AGBL1: variants seen among roughly 807,000 people sequenced by gnomAD.
AGBL1 encodes cytosolic carboxypeptidase 4.
A neutral mutation model predicts 118.9 loss-of-function variants in AGBL1; 130 were observed. The observed-to-expected ratio is 1.09, with a 90% CI of 0.95 to 1.26. The LOEUF is 1.26. AGBL1 is among the 50% of genes most tolerant of loss of function. The pLI is 0.00. For missense variants in AGBL1, 1,584 were observed against 1,298.1 expected (o/e 1.22, Z -3.38); for synonymous variants, 555 against 478.9 (o/e 1.16, Z -2.08).
chr15:86,960,375 C>G (rs2080979708), intron 23 of AGBL1, among the ~76,000 whole-genome samples: 1 of 151,946 alleles, frequency 6.6e-6, no homozygotes, highest in Non-Finnish European at 1.5e-5. Context: ...TATAAATTAT[C>G]TGGTTGAAAT....
chr15:86,127,709 T>C (rs1340719832), intron 1 of AGBL1, among the ~76,000 whole-genome samples: 1 of 152,254 alleles, frequency 6.6e-6, no homozygotes, highest in Admixed American at 6.5e-5. Context: ...CTTGCAGTTA[T>C]GTGTGAACAT....
At chr15:86,306,127 A>C (rs1055453517) in intron 17 of AGBL1, among the ~76,000 whole-genome samples, 1 of 152,292 alleles carries the variant, frequency 6.6e-6, no homozygotes, top group Middle Eastern at 3.4e-3. Flanking sequence ...ACAATGGGAC[A>C]TCCATCCCCT....
intron 21 of AGBL1, among the ~76,000 whole-genome samples, chr15:86,587,404 C>G (rs1349187643): frequency 6.6e-6 from 1 of 152,116 alleles, no homozygotes; most frequent in African/African-American, 2.4e-5. Context: ...CCTGTGGCAG[C>G]ACCGTTTCAG....
At chr15:86,981,564 C>T (rs1295902809) in intron 23 of AGBL1, among the ~76,000 whole-genome samples, 1 of 152,164 alleles carries the variant, frequency 6.6e-6, no homozygotes, top group African/African-American at 2.4e-5. Flanking sequence ...TGTAAGTGCT[C>T]TTTACATAGT....
intron 21 of AGBL1, among the ~76,000 whole-genome samples, chr15:86,589,467 C>T (rs1315057375): frequency 1.3e-5 from 2 of 152,086 alleles, no homozygotes; most frequent in African/African-American, 4.8e-5. Flanking sequence ...GCAAGGGTTG[C>T]ACAATAAGAT....
chr15:86,385,963 TC>T (rs1376532356), intron 17 of AGBL1, among the ~76,000 whole-genome samples: 1 of 9,000 alleles, frequency 1.1e-4, no homozygotes, highest in Non-Finnish European at 1.8e-4. Context: ...CCCTCCCCCA[TC>T]CCCCCTCCTC....
intron 22 of AGBL1, among the ~76,000 whole-genome samples, chr15:86,780,657 C>CTTTTTTTTTTTT (rs71144066): frequency 7.0e-6 from 1 of 143,004 alleles, no homozygotes. Flanking sequence ...TCTTTAACTT[C>CTTTTTTTTTTTT]TTTTTTTTTT....
chr15:86,337,358 G>A (rs1392912677), intron 17 of AGBL1, among the ~76,000 whole-genome samples: 2 of 152,032 alleles, frequency 1.3e-5, no homozygotes, highest in Non-Finnish European at 2.9e-5. Context: ...AAAGTAGGAA[G>A]GAAAAGAAGG....
chr15:86,212,201 A>G (rs564735079), intron 5 of AGBL1, among the ~76,000 whole-genome samples: 4 of 152,332 alleles, frequency 2.6e-5, no homozygotes, highest in East Asian at 1.9e-4. Context: ...AGGTGCTATG[A>G]TAAGTGCTGA....
intron 24 of AGBL1, among the ~76,000 whole-genome samples, chr15:86,998,906 A>G (rs2081405999): frequency 6.6e-6 from 1 of 151,256 alleles, no homozygotes; most frequent in Non-Finnish European, 1.5e-5. Context: ...GTACATGTGC[A>G]CAACATGCAG....
chr15:86,250,829 C>T (rs28582501), intron 7 of AGBL1, among the ~76,000 whole-genome samples: 4,648 of 152,292 alleles, frequency 0.031, 251 homozygotes, highest in African/African-American at 0.11. Flanking sequence ...CCTCCTCTCC[C>T]TTCTGCTAGA....
intron 21 of AGBL1, among the ~76,000 whole-genome samples, chr15:86,571,116 G>C (rs1439455143): frequency 6.6e-6 from 1 of 152,144 alleles, no homozygotes; most frequent in African/African-American, 2.4e-5. Context: ...GCTGGCACTG[G>C]GGAATATGGT....
At chr15:86,367,601 A>T (rs2080909073) in intron 17 of AGBL1, among the ~76,000 whole-genome samples, 1 of 152,116 alleles carries the variant, frequency 6.6e-6, no homozygotes, top group Non-Finnish European at 1.5e-5. Context: ...CTGAAAAAAA[A>T]AAAGTTTCTT....
intron 21 of AGBL1, among the ~76,000 whole-genome samples, chr15:86,587,678 G>A (rs1257291403): frequency 1.3e-5 from 2 of 152,188 alleles, no homozygotes; most frequent in Admixed American, 1.3e-4. Flanking sequence ...TTCTTTAAAA[G>A]TACAGCAATT....
chr15:86,203,488 T>A (rs2077940503), intron 5 of AGBL1, among the ~76,000 whole-genome samples: 1 of 152,186 alleles, frequency 6.6e-6, no homozygotes, highest in African/African-American at 2.4e-5. Flanking sequence ...TTCTCAAGTA[T>A]AAGAAACTGT....
chr15:86,262,078 C>CTTTTTTTTTTTTTTTTTTTTTTTT lies in AGBL1; in HGVS notation c.970-684_970-683insTTTTTTTTTTTTTTTTTTTTTTTT, dbSNP rs61365024. Reference sequence around the variant, plus strand: ...CACTGCTAGGCCTATGCATAGCTGGCTTTTTTTTTTTTTTTTGCCATTTAG... The same window carrying CTTTTTTTTTTTTTTTTTTTTTTTT: ...CACTGCTAGGCCTATGCATAGCTGGCTTTTTTTTTTTTTTTTTTTTTTTTTTTTTTTTTTTTTTTTGCCATTTAG... On this transcript the variant is annotated intron_variant, in intron 9 of 22. Coordinates refer to ENST00000614907, the MANE Select transcript of AGBL1 (RefSeq NM_001386094.1). Among the ~76,000 whole-genome samples, 64 of 52,764 alleles carry CTTTTTTTTTTTTTTTTTTTTTTTT rather than the reference C, an allele frequency of 1.2e-3. 16 individuals are homozygous for CTTTTTTTTTTTTTTTTTTTTTTTT. The highest frequency in any genetic ancestry group is 2.1e-3 in the East Asian group (2 of 954). 34.6% of individuals were successfully genotyped at this position (52,764 alleles called of 152,430 possible). A position where few individuals can be genotyped will look rare whatever the true frequency, so the allele number is the denominator to read the frequency against.
At chr15:86,090,187 A>T (rs1895929015) in intron 1 of AGBL1, among the ~76,000 whole-genome samples, 1 of 152,102 alleles carries the variant, frequency 6.6e-6, no homozygotes, top group South Asian at 2.1e-4. Flanking sequence ...CGCAATTTAA[A>T]CACTGGCAGT....
chr15:86,236,717 A>AG (rs1358194373), intron 6 of AGBL1, among the ~76,000 whole-genome samples: 1 of 151,712 alleles, frequency 6.6e-6, no homozygotes, highest in African/African-American at 2.4e-5. Context: ...AGACAGAGGG[A>AG]GGGGGGCTCC....
intron 21 of AGBL1, among the ~76,000 whole-genome samples, chr15:86,636,062 C>T (rs550701344): frequency 6.6e-6 from 1 of 152,260 alleles, no homozygotes; most frequent in South Asian, 2.1e-4. Flanking sequence ...TAAATCATCT[C>T]CTCCTCAGTG....
Sources: gnomAD v4.1 joint callset for allele counts (sites outside exome capture counted in the v4.1 genomes callset) on GRCh38, gnomAD v4.1.1 for gene constraint, MANE v1.5 for transcripts, NCBI Gene and HGNC (gene_info 2026-07-23, HGNC 2026-07-21) for gene names.